The following WDPCP variants were observed in gnomAD, a reference collection of about 807,000 sequenced individuals.
WDPCP encodes the protein WD repeat-containing and planar cell polarity effector protein fritz homolog.
Under a neutral mutation model 93.1 loss-of-function variants are expected in WDPCP, and 71 were observed. The observed-to-expected ratio is 0.76, with a 90% CI of 0.63 to 0.93. WDPCP has a LOEUF of 0.93. WDPCP is among the 40% of genes least tolerant of loss of function. The pLI, the probability that WDPCP is intolerant of heterozygous loss-of-function variation, is 0.00. For synonymous variants in WDPCP, 315 were observed against 315.0 expected, an observed-to-expected ratio of 1.00 and a Z score of 0.00; for missense variants, 844 against 887.4, an observed-to-expected ratio of 0.95 and a Z score of 0.62.
intron 3 of WDPCP, among the ~76,000 whole-genome samples, chr2:63,637,905 T>G (rs1393259969): frequency 6.6e-6 from 1 of 152,150 alleles, no homozygotes; most frequent in Non-Finnish European, 1.5e-5. Flanking sequence ...AAATAAAACT[T>G]CTATATAATC....
intron 12 of WDPCP, among the ~76,000 whole-genome samples, chr2:63,327,636 G>A (rs560955984): frequency 5.3e-5 from 8 of 152,182 alleles, no homozygotes; most frequent in African/African-American, 9.6e-5. Flanking sequence ...ATGAGATATC[G>A]CCCGGCATTT....
chr2:63,575,418 A>G (rs1461872445), intron 1 of WDPCP, among the ~76,000 whole-genome samples: 4 of 105,282 alleles, frequency 3.8e-5, no homozygotes, highest in East Asian at 2.6e-4. Flanking sequence ...CAGTATATAC[A>G]CTGTATACAG....
At chr2:63,622,078 TTTTTTTG>T in intron 3 of WDPCP, 2 of 1,060,192 alleles carry the variant, frequency 1.9e-6, no homozygotes, top group South Asian at 1.9e-5. Context: ...TTTTTTTTTT[TTTTTTTG>T]GAAGTTGATT....
chr2:63,830,564 A>T (rs1422090552), upstream of WDPCP, among the ~76,000 whole-genome samples: 1 of 152,154 alleles, frequency 6.6e-6, no homozygotes, highest in Non-Finnish European at 1.5e-5. Context: ...CTAATAAATG[A>T]CAAAATTCAA....
chr2:63,284,520 C>T (rs1683835063), intron 13 of WDPCP, among the ~76,000 whole-genome samples: 2 of 151,984 alleles, frequency 1.3e-5, no homozygotes, highest in African/African-American at 2.4e-5. Context: ...TTGGTATATC[C>T]GAATTGTCAG....
chr2:63,448,403 CA>C (rs1698003660), intron 6 of WDPCP, among the ~76,000 whole-genome samples: 1 of 151,360 alleles, frequency 6.6e-6, no homozygotes, highest in Non-Finnish European at 1.5e-5. Flanking sequence ...CAAAGACTTA[CA>C]ACCATGCTAC....
At chr2:63,201,681 G>C (rs1479949172) in intron 14 of WDPCP, among the ~76,000 whole-genome samples, 1 of 152,086 alleles carries the variant, frequency 6.6e-6, no homozygotes, top group African/African-American at 2.4e-5. Flanking sequence ...ATTGTGGGGG[G>C]AGCACTTTAA....
chr2:63,538,483 G>A (rs1293795099), intron 1 of WDPCP, among the ~76,000 whole-genome samples: 2 of 152,082 alleles, frequency 1.3e-5, no homozygotes, highest in African/African-American at 4.8e-5. Flanking sequence ...AATTGCCTTT[G>A]ACAAATTGTT....
chr2:63,779,400 A>T (rs898187254), intron 2 of WDPCP, among the ~76,000 whole-genome samples: 1 of 152,208 alleles, frequency 6.6e-6, no homozygotes, highest in Non-Finnish European at 1.5e-5. Context: ...TCTCACTTTC[A>T]TTCCCACAGT....
chr2:63,156,465 G>T (rs1183975396), intron 15 of WDPCP, among the ~76,000 whole-genome samples: 2 of 152,192 alleles, frequency 1.3e-5, no homozygotes, highest in African/African-American at 4.8e-5. Flanking sequence ...GCCGGGAGCG[G>T]TGGCTCATGC....
chr2:63,243,519 T>C (rs1329410246), intron 14 of WDPCP, among the ~76,000 whole-genome samples: 1 of 152,116 alleles, frequency 6.6e-6, no homozygotes, highest in African/African-American at 2.4e-5. Flanking sequence ...TGAAGCTCTT[T>C]CATGAAAGCA....
intron 13 of WDPCP, among the ~76,000 whole-genome samples, chr2:63,294,317 A>C (rs1684674323): frequency 0.024 from 1 of 42 alleles, no homozygotes; most frequent in South Asian, 0.5. Flanking sequence ...CAGTCTGGCC[A>C]ACAGGGGAAA....
At chr2:63,684,819 G>A in intron 2 of WDPCP, 1 of 351,818 alleles carries the variant, frequency 2.8e-6, no homozygotes, top group South Asian at 2.9e-5. Flanking sequence ...ATAATAATAG[G>A]AATTTTGGAA....
At chr2:63,470,394 CTCT>C (rs1363802697) in intron 6 of WDPCP, among the ~76,000 whole-genome samples, 1 of 152,184 alleles carries the variant, frequency 6.6e-6, no homozygotes, top group East Asian at 1.9e-4. Flanking sequence ...TCAAAAATAT[CTCT>C]TCTCAATCTT....
intron 2 of WDPCP, among the ~76,000 whole-genome samples, chr2:63,674,063 C>T (rs948191058): frequency 2.6e-5 from 4 of 152,174 alleles, no homozygotes; most frequent in African/African-American, 4.8e-5. Flanking sequence ...GCAGCCCTGC[C>T]CTGTTCTTGA....
At chr2:63,562,210 T>A (rs530543140) in intron 1 of WDPCP, among the ~76,000 whole-genome samples, 25 of 152,184 alleles carry the variant, frequency 1.6e-4, no homozygotes, top group Non-Finnish European at 3.4e-4. Flanking sequence ...CAAGATCATG[T>A]CCTTTGCAGG....
intron 12 of WDPCP, among the ~76,000 whole-genome samples, chr2:63,333,433 T>A (rs1275045607): frequency 3.3e-5 from 5 of 152,216 alleles, no homozygotes; most frequent in Admixed American, 3.3e-4. Context: ...ATCCAGGAGA[T>A]AATCAACTAA....
intron 2 of WDPCP, among the ~76,000 whole-genome samples, chr2:63,685,838 A>G (rs1486580165): frequency 6.6e-6 from 1 of 152,258 alleles, no homozygotes; most frequent in Non-Finnish European, 1.5e-5. Flanking sequence ...TTACATCAAG[A>G]GAATGAAGGA....
At chr2:63,390,117 T>A (rs1226153425) in intron 10 of WDPCP, among the ~76,000 whole-genome samples, 1 of 152,184 alleles carries the variant, frequency 6.6e-6, no homozygotes, top group Admixed American at 6.6e-5. Flanking sequence ...CACATTGCAC[T>A]TATTCTAAAA....
Sources: gnomAD v4.1 joint callset for allele counts (sites outside exome capture counted in the v4.1 genomes callset) on GRCh38, gnomAD v4.1.1 for gene constraint, MANE v1.5 for transcripts, NCBI Gene and HGNC (gene_info 2026-07-23, HGNC 2026-07-21) for gene names.